TMED10: variants seen among roughly 807,000 people sequenced by gnomAD.
The protein encoded by TMED10 is transmembrane emp24 domain-containing protein 10.
In TMED10, 7 loss-of-function variants were observed where a neutral mutation model predicts 23.1. The observed-to-expected ratio is 0.30, with a 90% CI of 0.17 to 0.57. The LOEUF is 0.57. Among genes scored for constraint, TMED10 ranks in the 20% least tolerant of loss-of-function variants. The probability of loss-of-function intolerance (pLI) is 0.91; values close to 1 mark genes in which losing one functional copy is unlikely to be tolerated. For synonymous variants in TMED10, 113 were observed against 106.9 expected, an observed-to-expected ratio of 1.06 and a Z score of -0.35; for missense variants, 162 against 274.8, an observed-to-expected ratio of 0.59 and a Z score of 2.90.
At chr14:75,157,978 C>T (rs530854523) in intron 1 of TMED10, among the ~76,000 whole-genome samples, 224 of 152,034 alleles carry the variant, frequency 1.5e-3, no homozygotes, top group Non-Finnish European at 2.5e-3. Flanking sequence ...AATAGTGTTA[C>T]GTGGATTTGA....
intron 2 of TMED10, among the ~76,000 whole-genome samples, chr14:75,151,823 C>T (rs539428181): frequency 5.2e-4 from 79 of 152,208 alleles, no homozygotes; most frequent in Admixed American, 9.8e-4. Context: ...TTTTTACTGC[C>T]CTAAAAATTC....
intron 1 of TMED10, among the ~76,000 whole-genome samples, chr14:75,159,597 CT>C (rs1460286564): frequency 1.3e-5 from 2 of 152,074 alleles, no homozygotes; most frequent in Non-Finnish European, 2.9e-5. Context: ...CCTTCAAAAA[CT>C]TTTTTTTATT....
In TMED10 at chr14:75,132,080, T is replaced by G. The variant is rs1355170941; in HGVS notation, c.*2805A>C. On this transcript the variant is annotated 3_prime_UTR_variant, in exon 5 of 5. Coordinates refer to ENST00000303575, the MANE Select transcript of TMED10 (RefSeq NM_006827.6). ...TAGGCTAACGGTACATGATAGAAAT[T>G]TCACATTTAAAAGTTTAAAGATGGA... The G allele has an allele frequency of 6.6e-6, 1 of 152,474 alleles. No homozygotes were observed. Among genetic ancestry groups the G allele is most frequent in the Non-Finnish European group, 1.5e-5 (1 of 68,034 alleles). The allele number at this position is 152,474 out of a possible 1,614,324, so 9.4% of individuals were successfully genotyped here.
intron 1 of TMED10, among the ~76,000 whole-genome samples, chr14:75,169,118 T>C (rs570850663): frequency 1.3e-5 from 2 of 152,234 alleles, no homozygotes; most frequent in Non-Finnish European, 2.9e-5. Context: ...GTCTGTTCAC[T>C]AATTCCTTAG....
chr14:75,148,487 C>A (rs1895915478), intron 2 of TMED10, among the ~76,000 whole-genome samples: 1 of 151,860 alleles, frequency 6.6e-6, no homozygotes, highest in Non-Finnish European at 1.5e-5. Context: ...TCTGATTCAG[C>A]TGGATCAAAG....
chr14:75,149,472 A>ATAGAT (rs55984634), intron 2 of TMED10, among the ~76,000 whole-genome samples: 1 of 152,084 alleles, frequency 6.6e-6, no homozygotes, highest in Non-Finnish European at 1.5e-5. Flanking sequence ...TCTACTGTTT[A>ATAGAT]TACCCACTCT....
chr14:75,148,779 G>GTAAA (rs1207044521), intron 2 of TMED10, among the ~76,000 whole-genome samples: 2 of 152,168 alleles, frequency 1.3e-5, no homozygotes, highest in Admixed American at 6.5e-5. Flanking sequence ...AACTCACTAA[G>GTAAA]TACTAAAACT....
At chr14:75,152,221 A>T in intron 1 of TMED10, 78 bp from the exon 2 acceptor site, 3 of 1,129,900 alleles carry the variant, frequency 2.7e-6, no homozygotes, top group Non-Finnish European at 3.9e-6. Flanking sequence ...GAAGATAGAG[A>T]CACTATCTAT....
intron 1 of TMED10, among the ~76,000 whole-genome samples, chr14:75,154,496 T>A (rs183236391): frequency 2.7e-5 from 4 of 150,000 alleles, no homozygotes; most frequent in Admixed American, 6.7e-5. Flanking sequence ...TGGAAAAAAT[T>A]GATAATAACT....
At chr14:75,175,297 C>T (rs1376145886) in intron 1 of TMED10, among the ~76,000 whole-genome samples, 2 of 152,062 alleles carry the variant, frequency 1.3e-5, no homozygotes, top group African/African-American at 4.8e-5. Flanking sequence ...TTGGTATTTA[C>T]ATAAAAGAGC....
intron 3 of TMED10, among the ~76,000 whole-genome samples, chr14:75,144,881 A>T (rs1895863811): frequency 6.6e-6 from 1 of 151,986 alleles, no homozygotes; most frequent in Non-Finnish European, 1.5e-5. Context: ...CTGGTCTCCA[A>T]CTCCTGACCT....
chr14:75,147,606 CA>C (rs1895902654), intron 3 of TMED10, 57 bp downstream of exon 3: 3 of 1,588,558 alleles, frequency 1.9e-6, no homozygotes, highest in Non-Finnish European at 2.6e-6. Context: ...GCCGAGGTCA[CA>C]GAAACCTCAC....
chr14:75,173,614 C>G (rs527936901), intron 1 of TMED10, among the ~76,000 whole-genome samples: 4 of 152,148 alleles, frequency 2.6e-5, no homozygotes, highest in South Asian at 2.1e-4. Context: ...GGTTTAGGAC[C>G]CTTGTGGTTC....
chr14:75,154,453 A>G (rs1216354927), intron 1 of TMED10, among the ~76,000 whole-genome samples: 1 of 132,402 alleles, frequency 7.6e-6, no homozygotes, highest in Non-Finnish European at 1.6e-5. Context: ...TGGATCACTT[A>G]TATTCAAAAA....
chr14:75,157,184 A>G (rs1896030175), intron 1 of TMED10, among the ~76,000 whole-genome samples: 1 of 152,184 alleles, frequency 6.6e-6, no homozygotes, highest in South Asian at 2.1e-4. Context: ...AACTGATCGG[A>G]GCTTGGGGTT....
chr14:75,153,855 C>T (rs113553928), intron 1 of TMED10, among the ~76,000 whole-genome samples: 2,646 of 142,842 alleles, frequency 0.019, 85 homozygotes, highest in African/African-American at 0.065. Context: ...CTGCAACCTC[C>T]GCCTCCCGGG....
chr14:75,164,532 A>AATAT (rs368412262), intron 1 of TMED10, among the ~76,000 whole-genome samples: 13 of 54,426 alleles, frequency 2.4e-4, no homozygotes, highest in African/African-American at 6.2e-4. Flanking sequence ...CACCTGGCCT[A>AATAT]ATATATATAT....
At chr14:75,150,190 CT>C (rs1238536861) in intron 2 of TMED10, among the ~76,000 whole-genome samples, 1 of 152,188 alleles carries the variant, frequency 6.6e-6, no homozygotes, top group African/African-American at 2.4e-5. Flanking sequence ...CAGGGTAAGA[CT>C]GAGAACAAAG....
At chr14:75,163,063 T>G (rs1896103295) in intron 1 of TMED10, among the ~76,000 whole-genome samples, 1 of 151,590 alleles carries the variant, frequency 6.6e-6, no homozygotes, top group South Asian at 2.1e-4. Context: ...AGGAAGACCC[T>G]GCCTCTAAAA....
Sources: gnomAD v4.1 joint callset for allele counts (sites outside exome capture counted in the v4.1 genomes callset) on GRCh38, gnomAD v4.1.1 for gene constraint, MANE v1.5 for transcripts, NCBI Gene and HGNC (gene_info 2026-07-23, HGNC 2026-07-21) for gene names.